Variants in MAP3K1 observed in about 807,000 individuals in gnomAD.
MAP3K1 encodes mitogen-activated protein kinase kinase kinase 1, also known as MAP/ERK kinase kinase 1.
In MAP3K1, 36 loss-of-function variants were observed where a neutral mutation model predicts 144.2. The observed-to-expected ratio is 0.25, with a 90% confidence interval of 0.19 to 0.33. The LOEUF (loss-of-function observed/expected upper bound fraction) is 0.33, where lower values mean the gene tolerates loss of function less well. MAP3K1 is among the 10% of genes least tolerant of loss of function. The pLI is 1.00. For missense variants in MAP3K1, 1,650 were observed against 1,881.9 expected (o/e 0.88, Z 2.28); for synonymous variants, 718 against 688.7 (o/e 1.04, Z -0.67).
intron 1 of MAP3K1, among the ~76,000 whole-genome samples, chr5:56,825,967 CTT>C (rs200937350): frequency 1.5e-4 from 22 of 146,294 alleles, no homozygotes; most frequent in Admixed American, 9.5e-4. Flanking sequence ...GACCGTTCTT[CTT>C]TTTTTTTTTT....
intron 6 of MAP3K1, among the ~76,000 whole-genome samples, chr5:56,871,537 A>G (rs1747852835): frequency 6.6e-6 from 1 of 152,182 alleles, no homozygotes; most frequent in African/African-American, 2.4e-5. Flanking sequence ...AAGGTCCGCC[A>G]GTACTTAAAA....
chr5:56,866,637 C>G (rs529751144), intron 6 of MAP3K1, among the ~76,000 whole-genome samples: 1 of 152,106 alleles, frequency 6.6e-6, no homozygotes, highest in African/African-American at 2.4e-5. Flanking sequence ...ATGTTATTCC[C>G]GAAGTGCCCA....
chr5:56,825,309 G>A (rs1581206694), intron 1 of MAP3K1, among the ~76,000 whole-genome samples: 1 of 152,086 alleles, frequency 6.6e-6, no homozygotes, highest in African/African-American at 2.4e-5. Flanking sequence ...CACCATGCCC[G>A]GCCAGGTCTA....
At chr5:56,874,616 A>T (rs952868294) in intron 9 of MAP3K1, among the ~76,000 whole-genome samples, 1 of 151,508 alleles carries the variant, frequency 6.6e-6, no homozygotes, top group Non-Finnish European at 1.5e-5. Context: ...GCTTTTTTTG[A>T]TTTGTTTTTT....
intron 10 of MAP3K1, among the ~76,000 whole-genome samples, chr5:56,877,501 C>G (rs1269864030): frequency 6.9e-6 from 1 of 144,380 alleles, no homozygotes; most frequent in Admixed American, 7.1e-5. Context: ...TTTTTCCTCT[C>G]CCTCCCTCTG....
intron 10 of MAP3K1, 75 bp from the exon 11 acceptor site, chr5:56,878,905 A>G: frequency 7.4e-7 from 1 of 1,345,036 alleles, no homozygotes; most frequent in Non-Finnish European, 1.1e-6. Context: ...TGTTGCTCAA[A>G]TTGTCTCAAA....
intron 1 of MAP3K1, chr5:56,841,986 A>T (rs1746828962): frequency 1.3e-5 from 2 of 152,368 alleles, no homozygotes; most frequent in South Asian, 4.1e-4. Flanking sequence ...ATTAGATAAT[A>T]GTATAATAAA....
At chr5:56,829,133 T>C (rs922693213) in intron 1 of MAP3K1, among the ~76,000 whole-genome samples, 2 of 152,034 alleles carry the variant, frequency 1.3e-5, no homozygotes, top group African/African-American at 4.8e-5. Context: ...CCAACTTGAA[T>C]CGTATTCACA....
chr5:56,822,908 C>T (rs145004316), intron 1 of MAP3K1, among the ~76,000 whole-genome samples: 1 of 152,264 alleles, frequency 6.6e-6, no homozygotes, highest in Non-Finnish European at 1.5e-5. Context: ...AGATTCAGAC[C>T]ATCCTTAGGT....
chr5:56,872,684 C>T lies in MAP3K1; in HGVS notation c.1467C>T (p.Pro489=), dbSNP rs1747890813. The change falls in exon 8 of 20, where the codon CCC becomes CCT. Residue 489 remains proline (P), a synonymous_variant. Coordinates refer to ENST00000399503, the MANE Select transcript of MAP3K1 (RefSeq NM_005921.2). ...CRRNREPLIC[P]LCRSKWRSHD... ...GAAATAGAGAACCTTTAATATGTCC[C>T]CTTTGTAGATCTAAGTGGAGATCTC... The T allele has an allele frequency of 6.2e-7, 1 of 1,609,080 alleles. No individual in the cohort carries two copies. Among genetic ancestry groups the T allele is most frequent in the Non-Finnish European group, 8.5e-7 (1 of 1,175,956 alleles).
At chr5:56,834,194 T>TA (rs1314028624) in intron 1 of MAP3K1, among the ~76,000 whole-genome samples, 1 of 152,224 alleles carries the variant, frequency 6.6e-6, no homozygotes, top group East Asian at 1.9e-4. Context: ...GTTGGAAACT[T>TA]AAACACTGTC....
Position 56,894,559 on chromosome 5 carries a change from T to TG in MAP3K1, c.*881dup, listed in dbSNP as rs1382405686. The TG allele has an allele frequency of 1.7e-5, 4 of 232,590 alleles. No homozygotes were observed. Among genetic ancestry groups the TG allele is most frequent in the African/African-American group, 8.8e-5 (4 of 45,336 alleles). The allele number at this position is 232,590 out of a possible 1,614,324, so 14.4% of individuals were successfully genotyped here. A position where few individuals can be genotyped will look rare whatever the true frequency, so the allele number is the denominator to read the frequency against. ...TTAACTAAAAATAAACTGTCCTCTCTGGTGCAACTCACAACCAAGATCAAG... is the reference window on the plus strand; with the variant it reads ...TTAACTAAAAATAAACTGTCCTCTCTGGGTGCAACTCACAACCAAGATCAAG... On this transcript the variant is annotated 3_prime_UTR_variant, in exon 20 of 20. Transcript: ENST00000399503.
At chr5:56,893,344 G>C (rs55921906) in intron 19 of MAP3K1, among the ~76,000 whole-genome samples, 187 bp from the exon 20 acceptor site, 3,162 of 152,232 alleles carry the variant, frequency 0.021, 109 homozygotes, top group African/African-American at 0.073. Context: ...AAGATTGTTA[G>C]AGAAAACCTC....
chr5:56,864,639 C>T lies in MAP3K1; in HGVS notation c.835-95C>T, dbSNP rs893805199. Reference sequence around the variant, plus strand: ...CCGCCCTCCTCGGCCTCCCAAAGTGCTGGGATTACAGGCGTGAGCCACCAT... The same window carrying T: ...CCGCCCTCCTCGGCCTCCCAAAGTGTTGGGATTACAGGCGTGAGCCACCAT... On this transcript the variant is annotated intron_variant, in intron 3 of 19. Coordinates refer to ENST00000399503, the MANE Select transcript of MAP3K1 (RefSeq NM_005921.2). 11 of 1,339,722 alleles carry T rather than the reference C, an allele frequency of 8.2e-6. No individual in the cohort carries two copies. The African/African-American group carries it at 1.3e-4, about 16-fold the overall frequency. 83.0% of individuals were successfully genotyped at this position (1,339,722 alleles called of 1,614,324 possible). A position where few individuals can be genotyped will look rare whatever the true frequency, so the allele number is the denominator to read the frequency against.
intron 1 of MAP3K1, among the ~76,000 whole-genome samples, chr5:56,830,273 A>G (rs751703892): frequency 2.4e-4 from 37 of 152,356 alleles, no homozygotes; most frequent in Non-Finnish European, 4.6e-4. Context: ...TATTTTAATT[A>G]CTAAAAACAA....
At position 56,857,553 on chromosome 5, in the gene MAP3K1, C is replaced by T. The variant is rs146345615; in HGVS notation, c.633+803C>T. Among the ~76,000 whole-genome samples, 79 of 152,234 alleles carry T rather than the reference C, an allele frequency of 5.2e-4. No individual in the cohort carries two copies. The East Asian group carries it at 0.011, about 22-fold the overall frequency. Reference sequence around the variant, plus strand: ...GCTTTGACAAGGGTCTAAATACACCCCTGCCAAGTGATTGTCTGCCCTACA... The same window carrying T: ...GCTTTGACAAGGGTCTAAATACACCTCTGCCAAGTGATTGTCTGCCCTACA... On this transcript the variant is annotated intron_variant, in intron 2 of 19. Transcript: ENST00000399503.
At chr5:56,889,237 C>G (rs1748474177) in intron 19 of MAP3K1, among the ~76,000 whole-genome samples, 1 of 152,176 alleles carries the variant, frequency 6.6e-6, no homozygotes, top group Non-Finnish European at 1.5e-5. Flanking sequence ...GGCACGATCT[C>G]AGCTCACTAT....
intron 1 of MAP3K1, chr5:56,820,696 C>T: frequency 2.0e-6 from 2 of 985,172 alleles, no homozygotes; most frequent in East Asian, 1.1e-4. Context: ...TTTACTATTG[C>T]TAGACCCTAC....
At chr5:56,860,992 T>C (rs987252376) in intron 3 of MAP3K1, among the ~76,000 whole-genome samples, 17 of 151,820 alleles carry the variant, frequency 1.1e-4, no homozygotes, top group Admixed American at 9.2e-4. Context: ...TGCTTAGACT[T>C]TTCTGATAAG....
Sources: allele counts gnomAD v4.1 joint callset (sites outside exome capture counted in the v4.1 genomes callset), GRCh38; gene constraint gnomAD v4.1.1; transcripts MANE v1.5; gene names NCBI Gene and HGNC (gene_info 2026-07-23, HGNC 2026-07-21).